POMGNT1: variants seen among roughly 807,000 people sequenced by gnomAD.
POMGNT1 encodes the protein protein O-linked-mannose beta-1,2-N-acetylglucosaminyltransferase 1.
POMGNT1 carries 67 observed loss-of-function variants against 95.6 expected under a neutral mutation model. That is an observed-to-expected ratio of 0.70 (90% CI 0.58 to 0.86). POMGNT1 has a LOEUF of 0.86. Among genes scored for constraint, POMGNT1 ranks in the 40% least tolerant of loss-of-function variants. POMGNT1 has a pLI of 0.00. For synonymous variants in POMGNT1, 298 were observed against 317.9 expected, an observed-to-expected ratio of 0.94 and a Z score of 0.66; for missense variants, 719 against 855.2, an observed-to-expected ratio of 0.84 and a Z score of 1.99.
chr1:46,219,621 A>G, intron 1 of POMGNT1: 5 of 1,452,382 alleles, frequency 3.4e-6, no homozygotes, highest in Non-Finnish European at 4.6e-6. Flanking sequence ...TGGCTGAACC[A>G]CAAGGTAGTG....
rs557175651 is a variant in POMGNT1 at position 46,193,867 on chromosome 1, T to C, written c.938A>G (p.Asn313Ser). 5.6e-6 allele frequency: 9 copies of C among 1,614,086 alleles called. No homozygotes were observed. In the African/African-American group the frequency reaches 8.0e-5, roughly 14 times the overall value. ...PVAVIAGNRP[N>S]YLYRMLRSLL... ...TTCCCAGGCTTACCTGTACAGGTAA[T>C]TGGGTCGGTTCCCTGCAATGACAGC... Residue 313 changes from asparagine to serine, a missense_variant, in exon 10 of 22, where the codon AAT becomes AGT. Asn to Ser is a conservative substitution (Grantham distance 46). Transcript: ENST00000371984.
intron 1 of POMGNT1, among the ~76,000 whole-genome samples, chr1:46,215,040 C>T (rs1659021940): frequency 6.6e-6 from 1 of 151,880 alleles, no homozygotes; most frequent in African/African-American, 2.4e-5. Context: ...TCCTGGCTAA[C>T]ATGGTGAAAC....
intron 17 of POMGNT1, 45 bp downstream of exon 17, chr1:46,192,053 T>C: frequency 6.3e-7 from 1 of 1,586,654 alleles, no homozygotes; most frequent in Non-Finnish European, 8.6e-7. Flanking sequence ...TTCTTGTTCT[T>C]GACTGTCATG....
chr1:46,191,117 A>G, intron 17 of POMGNT1: 1 of 361,030 alleles, frequency 2.8e-6, no homozygotes, highest in Non-Finnish European at 5.4e-6. Flanking sequence ...GCCCTGCAGG[A>G]GGTGGTGGGC....
chr1:46,192,295 C>T lies in POMGNT1; in HGVS notation c.1413+13G>A, dbSNP rs777424809. The T allele has an allele frequency of 6.2e-7, 1 of 1,614,182 alleles. No homozygotes were observed. Among genetic ancestry groups the T allele is most frequent in the Non-Finnish European group, 8.5e-7 (1 of 1,180,036 alleles). ...AGGGGACTCCAGCCCCCTCACCCTACCCTGACAGTTACCTTTTCCGGTGTA... is the reference window on the plus strand; with the variant it reads ...AGGGGACTCCAGCCCCCTCACCCTATCCTGACAGTTACCTTTTCCGGTGTA... On this transcript the variant is annotated intron_variant, in intron 16 of 21. Coordinates refer to ENST00000371984, the MANE Select transcript of POMGNT1 (RefSeq NM_017739.4).
At chr1:46,203,373 C>A, upstream of POMGNT1, 1 of 1,425,022 alleles carries the variant, frequency 7.0e-7, no homozygotes, top group Non-Finnish European at 9.2e-7. Context: ...GGAGGACCCC[C>A]GGGAGCCGGT....
exon 1 of POMGNT1, chr1:46,219,953 G>A (rs1293137134): frequency 1.2e-6 from 2 of 1,614,266 alleles, no homozygotes; most frequent in South Asian, 2.2e-5. Context: ...TGGACACAGT[G>A]GCCCCCAGCG....
chr1:46,219,814 G>T, exon 1 of POMGNT1: 2 of 1,614,208 alleles, frequency 1.2e-6, no homozygotes, highest in Non-Finnish European at 1.7e-6. Flanking sequence ...AGTCATTGCA[G>T]CAGCCTCACC....
rs1205803341 is a variant in POMGNT1, at chr1:46,188,732, G to A, written c.*538C>T. On this transcript the variant is annotated 3_prime_UTR_variant, in exon 22 of 22. Coordinates refer to ENST00000371984, the MANE Select transcript of POMGNT1 (RefSeq NM_017739.4). The stretch of plus-strand genomic sequence containing the variant: ...TCAATGACCAACTTATCCAGCTTTG[G>A]AAATCTGGACAAAGAGAAGGCTGAG... The A allele has an allele frequency of 1.4e-5, 23 of 1,605,384 alleles. No homozygotes were observed. Among genetic ancestry groups the A allele is most frequent in the Non-Finnish European group, 1.9e-5 (22 of 1,174,566 alleles).
chr1:46,210,694 T>C (rs1658865317), intron 1 of POMGNT1, among the ~76,000 whole-genome samples: 1 of 152,054 alleles, frequency 6.6e-6, no homozygotes. Flanking sequence ...CGGGAAGGGG[T>C]GCGGAACTTC....
intron 1 of POMGNT1, among the ~76,000 whole-genome samples, chr1:46,210,853 C>A (rs1257179189): frequency 2.6e-5 from 4 of 152,058 alleles, no homozygotes; most frequent in African/African-American, 9.7e-5. Context: ...CAGCTCACTG[C>A]AGCCTGTACT....
intron 1 of POMGNT1, among the ~76,000 whole-genome samples, chr1:46,216,523 G>T (rs1659076965): frequency 1.3e-5 from 2 of 151,910 alleles, no homozygotes; most frequent in Admixed American, 6.6e-5. Context: ...TAAATTTTTT[G>T]TAGAGACAGT....
Position 46,194,838 on chromosome 1 carries a change from C to T in POMGNT1, c.652+6G>A, listed in dbSNP as rs369289384. 112 of 1,614,092 alleles carry T rather than the reference C, an allele frequency of 6.9e-5. No homozygotes were observed. The highest frequency in any genetic ancestry group is 2.9e-4 in the African/African-American group (22 of 75,040). ...CTACAGAGTGGATGGCCTCTGATGC[C>T]GGCACCTCCTTTTCGTCCCACGAAG... On this transcript the variant is annotated splice_donor_region_variant and intron_variant, in intron 7 of 21. Transcript: ENST00000371984.
At chr1:46,211,439 G>GCACACATA (rs764949785) in intron 1 of POMGNT1, among the ~76,000 whole-genome samples, 8,111 of 78,914 alleles carry the variant, frequency 0.1, 289 homozygotes, top group Non-Finnish European at 0.16. Context: ...ATGAAAACCT[G>GCACACATA]CACACACACA....
At position 46,189,108 on chromosome 1, in the gene POMGNT1, G is replaced by A. The variant is rs1033658109; in HGVS notation, c.*162C>T. ...CTTTTAACTCAGGAACGGGGTGTTG[G>A]AGCAGGGGAACCCTCCCCTTGGAGT... On this transcript the variant is annotated 3_prime_UTR_variant, in exon 22 of 22. Coordinates refer to ENST00000371984, the MANE Select transcript of POMGNT1 (RefSeq NM_017739.4). 6.0e-6 allele frequency: 9 copies of A among 1,497,334 alleles called. No individual in the cohort carries two copies. In the South Asian group the frequency reaches 6.9e-5, roughly 11 times the overall value. The allele number at this position is 1,497,334 out of a possible 1,614,324, so 92.8% of individuals were successfully genotyped here.
At chr1:46,203,157 G>A (rs1658599740), upstream of POMGNT1, among the ~76,000 whole-genome samples, 1 of 152,114 alleles carries the variant, frequency 6.6e-6, no homozygotes, top group East Asian at 1.9e-4. Flanking sequence ...GGGCGAAGGC[G>A]CTGAGGTCTC....
intron 1 of POMGNT1, among the ~76,000 whole-genome samples, chr1:46,214,692 C>G (rs1272384745): frequency 1.3e-5 from 2 of 151,572 alleles, no homozygotes; most frequent in Non-Finnish European, 2.9e-5. Flanking sequence ...ATGGTGAAAC[C>G]CCATCTCTAC....
At chr1:46,203,329 C>A, upstream of POMGNT1, 1 of 1,109,092 alleles carries the variant, frequency 9.0e-7, no homozygotes, top group Non-Finnish European at 1.2e-6. Context: ...GGGCGGGGAC[C>A]CACCGGTTTT....
intron 1 of POMGNT1, among the ~76,000 whole-genome samples, chr1:46,219,101 A>G (rs544380539): frequency 2.0e-5 from 3 of 152,242 alleles, no homozygotes; most frequent in South Asian, 4.1e-4. Flanking sequence ...GTTTGAGACC[A>G]GCCTGACCAA....
Sources: allele counts gnomAD v4.1 joint callset (sites outside exome capture counted in the v4.1 genomes callset), GRCh38; gene constraint gnomAD v4.1.1; transcripts MANE v1.5; gene names NCBI Gene and HGNC (gene_info 2026-07-23, HGNC 2026-07-21).